Variants in ACSM6 observed in about 807,000 individuals in gnomAD.
The protein encoded by ACSM6 is acyl-coenzyme A synthetase ACSM6, mitochondrial.
ACSM6 carries 35 observed loss-of-function variants against 51.1 expected under a neutral mutation model. The ratio of observed to expected loss-of-function variants is 0.69; its 90% CI spans 0.52 to 0.91. The LOEUF (loss-of-function observed/expected upper bound fraction) is 0.91. ACSM6 is among the 40% of genes least tolerant of loss of function. The probability of loss-of-function intolerance (pLI) is 0.00; values close to 1 mark genes in which losing one functional copy is unlikely to be tolerated. For synonymous variants in ACSM6, 172 were observed against 207.3 expected (o/e 0.83, Z 1.46); for missense variants, 509 against 584.1 (o/e 0.87, Z 1.32).
At chr10:95,215,461 T>TC (rs2034935079) in intron 8 of ACSM6, among the ~76,000 whole-genome samples, 1 of 152,120 alleles carries the variant, frequency 6.6e-6, no homozygotes, top group Non-Finnish European at 1.5e-5. Context: ...AAAACACAGA[T>TC]GAAAAGCATG....
exon 11 of ACSM6, chr10:95,228,649 C>T (rs1331215917): frequency 5.8e-6 from 9 of 1,550,972 alleles, no homozygotes; most frequent in Non-Finnish European, 7.8e-6. Flanking sequence ...ATCAGGTGAG[C>T]TGGGAGGAAT....
chr10:95,194,633 A>G (rs1260499042), exon 2 of ACSM6: 3 of 1,552,210 alleles, frequency 1.9e-6, no homozygotes, highest in Non-Finnish European at 2.6e-6. Flanking sequence ...TCAGAACTTT[A>G]ATTTTGCAAA....
chr10:95,221,977 G>A (rs754123207), intron 9 of ACSM6, among the ~76,000 whole-genome samples: 46 of 152,118 alleles, frequency 3.0e-4, no homozygotes, highest in Middle Eastern at 6.8e-3. Context: ...CATACTCAAT[G>A]GTCAAAAACT....
chr10:95,228,731 TG>T lies in ACSM6; in HGVS notation c.1392del (p.Trp464CysfsTer25). The T allele has an allele frequency of 2.6e-6, 4 of 1,551,800 alleles. No homozygotes were observed. The highest frequency in any genetic ancestry group is 3.5e-6 in the Non-Finnish European group (4 of 1,146,970). On this transcript the variant is annotated frameshift_variant, in exon 11 of 11. Transcript: ENST00000341686. LOFTEE classifies it low-confidence loss of function (END_TRUNC). ...GATCATGGATGAAGACGGCTACTTC[TG>T]GTGGTCTGGTAGAGTTGATGATGTT... is the stretch of plus-strand genomic sequence containing the variant.
chr10:95,195,986 C>G (rs190634505), intron 2 of ACSM6, among the ~76,000 whole-genome samples: 16 of 121,570 alleles, frequency 1.3e-4, no homozygotes, highest in African/African-American at 4.2e-4. Flanking sequence ...GCTGTGCCCC[C>G]TCTTGGGGTG....
chr10:95,196,901 C>T lies in ACSM6; in HGVS notation c.192+2224C>T, dbSNP rs561416568. On this transcript the variant is annotated intron_variant, in intron 2 of 10. Coordinates refer to ENST00000341686, the Ensembl canonical transcript of ACSM6. The stretch of plus-strand genomic sequence containing the variant: ...AGATGTATTTATTCTTTATTGTTAC[C>T]CCTCTAAGTAGTTTACAAGTTTTTT... Among the ~76,000 whole-genome samples the T allele has an allele frequency of 2.8e-4, 43 of 152,100 alleles. 1 individual carries two copies. The highest frequency in any genetic ancestry group is 8.9e-4 in the African/African-American group (37 of 41,502).
At chr10:95,197,211 C>T (rs605836) in intron 2 of ACSM6, among the ~76,000 whole-genome samples, 105,696 of 151,954 alleles carry the variant, frequency 0.7, 37,937 homozygotes, top group Non-Finnish European at 0.77. Flanking sequence ...GTGGCCTGCC[C>T]CTCCACATCT....
chr10:95,212,276 T>C (rs1381232320), intron 6 of ACSM6, among the ~76,000 whole-genome samples: 1 of 152,118 alleles, frequency 6.6e-6, no homozygotes, highest in African/African-American at 2.4e-5. Flanking sequence ...TAAAAGACAA[T>C]AGTGATATTG....
At position 95,211,882 on chromosome 10, in the gene ACSM6, TG is replaced by T. The variant is rs1162514442; in HGVS notation, c.762del (p.Trp254Ter). The T allele has an allele frequency of 2.4e-5, 38 of 1,602,820 alleles. No individual in the cohort carries two copies. Among genetic ancestry groups the T allele is most frequent in the Non-Finnish European group, 3.1e-5 (37 of 1,175,558 alleles). On this transcript the variant is annotated frameshift_variant, in exon 6 of 11. Coordinates refer to ENST00000341686, the Ensembl canonical transcript of ACSM6. LOFTEE classifies it high-confidence loss of function. ...GGCTTTCCTCTTTCTCTTTAGACGG[TG>T]GATGGATCTCCAGCCAACAGATGTC...
chr10:95,209,303 T>C (rs1421924349), intron 4 of ACSM6, among the ~76,000 whole-genome samples: 2 of 151,932 alleles, frequency 1.3e-5, no homozygotes, highest in Admixed American at 6.6e-5. Context: ...CCAGGGCACC[T>C]GAAGTGCGGA....
At chr10:95,207,187 T>G in intron 3 of ACSM6, 21 bp from the exon 4 acceptor site, 1 of 1,571,968 alleles carries the variant, frequency 6.4e-7, no homozygotes, top group Non-Finnish European at 8.6e-7. Context: ...AAATGAAGCC[T>G]TCTTTTGTGG....
At chr10:95,221,421 T>C (rs2034994526) in intron 9 of ACSM6, among the ~76,000 whole-genome samples, 1 of 152,002 alleles carries the variant, frequency 6.6e-6, no homozygotes, top group Non-Finnish European at 1.5e-5. Flanking sequence ...ACCCCGTCTT[T>C]ACAAAAATAC....
intron 9 of ACSM6, among the ~76,000 whole-genome samples, chr10:95,220,734 A>G (rs375605656): frequency 1.9e-4 from 29 of 152,266 alleles, no homozygotes; most frequent in African/African-American, 7.0e-4. Flanking sequence ...TTGTTTGCCT[A>G]TCCAGTTTCA....
exon 6 of ACSM6, chr10:95,211,954 G>C (rs781778256): frequency 6.2e-7 from 1 of 1,613,984 alleles, no homozygotes; most frequent in Non-Finnish European, 8.5e-7. Context: ...ATCCCTGAGC[G>C]CTGTCTTGGG....
At chr10:95,228,667 A>G (rs2035064626) in exon 11 of ACSM6, 2 of 1,551,686 alleles carry the variant, frequency 1.3e-6, no homozygotes, top group Non-Finnish European at 1.7e-6. Flanking sequence ...AATATGCTTC[A>G]GCAAGAGGCC....
At chr10:95,202,115 T>C (rs900915376) in exon 3 of ACSM6, 1 of 1,552,282 alleles carries the variant, frequency 6.4e-7, no homozygotes, top group Non-Finnish European at 8.7e-7. Context: ...ACCTGTGCCC[T>C]TAGCCATGGA....
intron 2 of ACSM6, among the ~76,000 whole-genome samples, chr10:95,201,160 C>T (rs1331330426): frequency 6.6e-6 from 1 of 152,196 alleles, no homozygotes; most frequent in Non-Finnish European, 1.5e-5. Context: ...GGATCATGCC[C>T]TGAGAAATCT....
chr10:95,198,006 G>A (rs1044811049), intron 2 of ACSM6, among the ~76,000 whole-genome samples: 1 of 152,214 alleles, frequency 6.6e-6, no homozygotes, highest in Admixed American at 6.5e-5. Flanking sequence ...CACAACCCTA[G>A]ATCCCTTAAA....
At chr10:95,222,926 G>A (rs2035007311) in intron 9 of ACSM6, among the ~76,000 whole-genome samples, 1 of 144,140 alleles carries the variant, frequency 6.9e-6, no homozygotes, top group South Asian at 2.1e-4. Context: ...AGATTGTGGT[G>A]ACAGTTCCAT....
Sources: gnomAD v4.1 joint callset for allele counts (sites outside exome capture counted in the v4.1 genomes callset) on GRCh38, gnomAD v4.1.1 for gene constraint, MANE v1.5 for transcripts, NCBI Gene and HGNC (gene_info 2026-07-23, HGNC 2026-07-21) for gene names.